Variants in CFAP47 observed in about 807,000 individuals in gnomAD.
CFAP47 encodes the protein cilia- and flagella-associated protein 47.
In CFAP47, 29 loss-of-function variants were observed where a neutral mutation model predicts 148.1. That is an observed-to-expected ratio of 0.20 (90% CI 0.15 to 0.27). The LOEUF (loss-of-function observed/expected upper bound fraction) is 0.27, where lower values mean the gene tolerates loss of function less well. Ranked by LOEUF, CFAP47 falls within the 10% of genes least tolerant of loss-of-function variation. The pLI is 1.00. For synonymous variants in CFAP47, 664 were observed against 577.3 expected (o/e 1.15, Z -2.15); for missense variants, 1,872 against 1,697.5 (o/e 1.10, Z -1.81).
intron 30 of CFAP47, among the ~76,000 whole-genome samples, chrX:36,088,882 C>T (rs1401494698): frequency 1.8e-5 from 2 of 111,718 alleles, no homozygotes; most frequent in African/African-American, 6.5e-5. Context: ...TCAACATCTT[C>T]TGCCGTACAT....
intron 49 of CFAP47, among the ~76,000 whole-genome samples, chrX:36,259,949 G>C (rs1233982145): frequency 9.0e-6 from 1 of 111,333 alleles, no homozygotes; most frequent in East Asian, 2.8e-4. Flanking sequence ...TCATTTGTAA[G>C]TGAGAACATG....
chrX:36,242,458 G>A (rs1940557550), intron 48 of CFAP47, among the ~76,000 whole-genome samples: 1 of 111,796 alleles, frequency 8.9e-6, no homozygotes, highest in Non-Finnish European at 1.9e-5. Context: ...GAGCTGAAAA[G>A]TGAAATAACC....
At chrX:36,344,998 A>G (rs1941685423) in intron 57 of CFAP47, among the ~76,000 whole-genome samples, 1 of 111,931 alleles carries the variant, frequency 8.9e-6, no homozygotes, top group Non-Finnish European at 1.9e-5. Flanking sequence ...TAGAAAATCT[A>G]TGTTATTGTA....
rs1213569014 is a variant in CFAP47 at position 36,331,275 on chromosome X, G to A, written c.8443+11968G>A. The stretch of plus-strand genomic sequence containing the variant: ...CACTTGACTATTTTTTTTCTAATCT[G>A]TCATTGTTCACTCTTCCTAAGTCTT... On this transcript the variant is annotated intron_variant, in intron 57 of 63. Coordinates refer to ENST00000378653, the MANE Select transcript of CFAP47 (RefSeq NM_001304548.2). 2.7e-5 allele frequency among the ~76,000 whole-genome samples: 3 copies of A among 110,083 alleles called. No homozygotes were observed. In the Admixed American group the frequency reaches 2.9e-4, roughly 11 times the overall value.
chrX:36,005,197 A>G (rs1428339737), intron 21 of CFAP47, among the ~76,000 whole-genome samples: 1 of 110,114 alleles, frequency 9.1e-6, no homozygotes, highest in Non-Finnish European at 1.9e-5. Flanking sequence ...TATTTCATTC[A>G]TTTCCACTTT....
In CFAP47 at chrX:36,085,332, A is replaced by G. The variant is rs1601968582; in HGVS notation, c.4710A>G (p.Gln1570=). 8.4e-7 allele frequency: 1 copy of G among 1,194,594 alleles called. No homozygotes were observed. Among genetic ancestry groups the G allele is most frequent in the Non-Finnish European group, 1.1e-6 (1 of 881,195 alleles). Residue 1570 remains glutamine, a synonymous_variant, in exon 30 of 64, where the codon CAA becomes CAG. Transcript: ENST00000378653. ...CTCATAGGGATGTATATAAAATGCA[A>G]TTCTACTCATCAACCTCGCCACCCC... ...ETIRRDVYKM[Q]FYSSTSPPQK...
chrX:36,184,137 A>G (rs5927472), intron 40 of CFAP47, among the ~76,000 whole-genome samples: 2,302 of 111,936 alleles, frequency 0.021, 27 homozygotes, highest in Non-Finnish European at 0.033. Flanking sequence ...GATGACAAAA[A>G]TACTCTATGA....
chrX:36,298,303 G>A (rs782015942), intron 51 of CFAP47, among the ~76,000 whole-genome samples: 69 of 103,221 alleles, frequency 6.7e-4, no homozygotes, highest in African/African-American at 2.3e-3. Context: ...GTAAACTATC[G>A]CAAGAACAAA....
intron 51 of CFAP47, among the ~76,000 whole-genome samples, chrX:36,288,782 C>T (rs1415471571): frequency 9.0e-6 from 1 of 110,836 alleles, no homozygotes; most frequent in Non-Finnish European, 1.9e-5. Flanking sequence ...CCTGTAATCC[C>T]AGCACTTTGG....
In CFAP47 at chrX:36,317,213, G is replaced by A. The variant is rs192526059; in HGVS notation, c.8345-1996G>A. 1.1e-3 allele frequency among the ~76,000 whole-genome samples: 124 copies of A among 111,486 alleles called. 1 individual carries two copies. The highest frequency in any genetic ancestry group is 1.9e-3 in the Non-Finnish European group (101 of 53,130). ...ATATATGTAGTAATCATTGCAAATAGCCAATCAGGATAAGCATGGTTTTAT... is the reference window on the plus strand; with the variant it reads ...ATATATGTAGTAATCATTGCAAATAACCAATCAGGATAAGCATGGTTTTAT... On this transcript the variant is annotated intron_variant, in intron 56 of 63. Coordinates refer to ENST00000378653, the MANE Select transcript of CFAP47 (RefSeq NM_001304548.2).
rs1169605524 is a variant in CFAP47 at position 35,924,221 on chromosome X, A to ATG, written c.250-1792_250-1791dup. Among the ~76,000 whole-genome samples the ATG allele has an allele frequency of 2.9e-5, 3 of 102,292 alleles. No individual in the cohort carries two copies. The Admixed American group carries it at 3.1e-4, about 10-fold the overall frequency. The allele number at this position is 102,292 out of a possible 115,157, so 88.8% of individuals were successfully genotyped here. ...TATATGGACATGTATGTGTGCATGT[A>ATG]TGTGTATATATGGACATGTATGTGT... On this transcript the variant is annotated intron_variant, in intron 1 of 63. Coordinates refer to ENST00000378653, the MANE Select transcript of CFAP47 (RefSeq NM_001304548.2).
At chrX:36,224,417 G>A (rs1940247285) in intron 45 of CFAP47, among the ~76,000 whole-genome samples, 1 of 111,277 alleles carries the variant, frequency 9.0e-6, no homozygotes, top group Non-Finnish European at 1.9e-5. Flanking sequence ...TGCAGTTAGG[G>A]AATTGTAGAT....
At chrX:36,227,918 G>A (rs1277646733) in intron 45 of CFAP47, among the ~76,000 whole-genome samples, 2 of 111,970 alleles carry the variant, frequency 1.8e-5, no homozygotes, top group African/African-American at 6.5e-5. Context: ...AAGTGGTGTT[G>A]CCTGAAAGGA....
chrX:36,098,313 G>T (rs1938314162), intron 30 of CFAP47, among the ~76,000 whole-genome samples: 1 of 111,556 alleles, frequency 9.0e-6, no homozygotes, highest in African/African-American at 3.3e-5. Context: ...GGTCCTTGGT[G>T]CCTTATTTAT....
intron 56 of CFAP47, among the ~76,000 whole-genome samples, chrX:36,316,069 C>T (rs970911140): frequency 8.0e-5 from 9 of 112,168 alleles, no homozygotes; most frequent in African/African-American, 2.3e-4. Context: ...AAAAACCCAA[C>T]TCTGCAAAGC....
intron 49 of CFAP47, among the ~76,000 whole-genome samples, chrX:36,279,871 A>G (rs1464823035): frequency 4.6e-5 from 5 of 109,269 alleles, no homozygotes; most frequent in Non-Finnish European, 9.5e-5. Context: ...CGCCTGGCTA[A>G]TTTTTGTATT....
At chrX:36,269,788 C>T (rs972007839) in intron 49 of CFAP47, among the ~76,000 whole-genome samples, 5 of 111,847 alleles carry the variant, frequency 4.5e-5, no homozygotes, top group Non-Finnish European at 9.4e-5. Flanking sequence ...TTTTTGTGCC[C>T]ATTTTTAATC....
chrX:36,249,851 C>T (rs782289842), intron 48 of CFAP47, among the ~76,000 whole-genome samples: 19 of 108,045 alleles, frequency 1.8e-4, no homozygotes, highest in Non-Finnish European at 3.7e-4. Flanking sequence ...GAGTCCATGG[C>T]GATATATGGA....
chrX:36,262,336 A>G (rs1362616666), intron 49 of CFAP47, among the ~76,000 whole-genome samples: 2 of 111,142 alleles, frequency 1.8e-5, no homozygotes, highest in African/African-American at 6.6e-5. Flanking sequence ...ATTTTGTTGT[A>G]CCAATTAACC....
Sources: allele counts gnomAD v4.1 joint callset (sites outside exome capture counted in the v4.1 genomes callset), GRCh38; gene constraint gnomAD v4.1.1; transcripts MANE v1.5; gene names NCBI Gene and HGNC (gene_info 2026-07-23, HGNC 2026-07-21).